The following CMYA5 variants were observed in gnomAD, a reference collection of about 807,000 sequenced individuals.
CMYA5 encodes the protein cardiomyopathy associated 5, also known as cardiomyopathy-associated protein 5.
In CMYA5, 246 loss-of-function variants were observed where a neutral mutation model predicts 318.9. The observed-to-expected ratio is 0.77, with a 90% CI of 0.70 to 0.86. The LOEUF (loss-of-function observed/expected upper bound fraction) is 0.86. CMYA5 is among the 40% of genes least tolerant of loss of function. The pLI, the probability that CMYA5 is intolerant of heterozygous loss-of-function variation, is 0.00. For missense variants in CMYA5, 4,589 were observed against 4,678.2 expected (o/e 0.98, Z 0.56); for synonymous variants, 1,641 against 1,729.5 (o/e 0.95, Z 1.27).
chr5:79,748,315 G>A (rs1285019582), intron 5 of CMYA5, among the ~76,000 whole-genome samples: 1 of 152,016 alleles, frequency 6.6e-6, no homozygotes, highest in East Asian at 1.9e-4. Context: ...TCCCCACACT[G>A]GCTGTGCCTA....
chr5:79,790,946 A>G, intron 10 of CMYA5, 24 bp from the exon 11 acceptor site: 3 of 1,526,170 alleles, frequency 2.0e-6, no homozygotes, highest in African/African-American at 1.4e-5. Context: ...CAATGTTTTA[A>G]TACTATTTTC....
chr5:79,716,882 C>A, intron 1 of CMYA5, among the ~76,000 whole-genome samples: 1 of 152,180 alleles, frequency 6.6e-6, no homozygotes, highest in East Asian at 1.9e-4. Flanking sequence ...TATCACAAAT[C>A]TATAGTGCAG....
chr5:79,731,492 A>G lies in CMYA5; in HGVS notation c.2727A>G (p.Ala909=), dbSNP rs747586627. The G allele has an allele frequency of 1.9e-6, 3 of 1,606,268 alleles. No homozygotes were observed. In the African/African-American group the frequency reaches 4.0e-5, roughly 21 times the overall value. The part of the protein sequence containing the change: ...SASEFSVPPY[A]TPEAQEEEIV... ...CTGAATTTTCAGTACCACCATATGC[A>G]ACACCGGAGGCACAGGAGGAAGAAA... is the stretch of plus-strand genomic sequence containing the variant. The change falls in exon 2 of 13, where the codon GCA becomes GCG. Residue 909 remains alanine, a synonymous_variant. Transcript: ENST00000446378.
In CMYA5 at chr5:79,799,756, T is replaced by G; in HGVS notation, c.*140T>G. 1 of 1,149,662 alleles carries G rather than the reference T, an allele frequency of 8.7e-7. No individual in the cohort carries two copies. Among genetic ancestry groups the G allele is most frequent in the Non-Finnish European group, 1.2e-6 (1 of 839,956 alleles). The allele number at this position is 1,149,662 out of a possible 1,614,324, so 71.2% of individuals were successfully genotyped here. On this transcript the variant is annotated 3_prime_UTR_variant, in exon 13 of 13. Transcript: ENST00000446378. ...ATGGCTGCATGCATAGCAATCAGCA[T>G]GTGAGCAAAATCGACAAGAAAACCT...
chr5:79,693,336 A>ATTTTTTTTTTTTT (rs11319092), intron 1 of CMYA5, among the ~76,000 whole-genome samples: 5 of 135,634 alleles, frequency 3.7e-5, no homozygotes, highest in Non-Finnish European at 4.7e-5. Context: ...AAGTCACACA[A>ATTTTTTTTTTTTT]TTTTTTTTTT....
At chr5:79,746,903 C>G (rs868177201) in intron 4 of CMYA5, among the ~76,000 whole-genome samples, 188 bp from the exon 5 acceptor site, 4 of 152,062 alleles carry the variant, frequency 2.6e-5, no homozygotes, top group Admixed American at 6.5e-5. Flanking sequence ...CTTGTGAGCA[C>G]TTATGTCCTT....
At chr5:79,745,171 A>G (rs1828293555) in intron 3 of CMYA5, 51 bp from the exon 4 acceptor site, 8 of 1,161,414 alleles carry the variant, frequency 6.9e-6, no homozygotes, top group Non-Finnish European at 9.7e-6. Context: ...AAAAAAAAGC[A>G]GCATTTCTTG....
At chr5:79,690,327 G>C (rs915719090) in intron 1 of CMYA5, among the ~76,000 whole-genome samples, 2 of 152,158 alleles carry the variant, frequency 1.3e-5, no homozygotes, top group African/African-American at 4.8e-5. Flanking sequence ...CTTAGGTCCT[G>C]CATAACTGCC....
chr5:79,745,170 C>T, intron 3 of CMYA5, 52 bp from the exon 4 acceptor site: 1 of 1,127,576 alleles, frequency 8.9e-7, no homozygotes, highest in Non-Finnish European at 1.2e-6. Context: ...AAAAAAAAAG[C>T]AGCATTTCTT....
chr5:79,770,393 G>A (rs912996355), intron 9 of CMYA5, among the ~76,000 whole-genome samples: 1 of 115,328 alleles, frequency 8.7e-6, no homozygotes, highest in East Asian at 2.6e-4. Context: ...TGCCCAAATG[G>A]CTGCCCGGTT....
At chr5:79,787,083 T>A (rs1561230406) in intron 9 of CMYA5, among the ~76,000 whole-genome samples, 1 of 152,236 alleles carries the variant, frequency 6.6e-6, no homozygotes, top group Non-Finnish European at 1.5e-5. Context: ...CTTCATCATC[T>A]TAAGGGCAAA....
rs1827934360 is a variant in CMYA5, at chr5:79,732,393, G to T, written c.3628G>T (p.Val1210Leu). 1.2e-6 allele frequency: 2 copies of T among 1,613,756 alleles called. No homozygotes were observed. The highest frequency in any genetic ancestry group is 1.7e-6 in the Non-Finnish European group (2 of 1,179,812). Residue 1210 changes from valine to leucine, a missense_variant, in exon 2 of 13, where the codon GTG becomes TTG. Transcript: ENST00000446378. The part of the protein sequence containing the change: ...ALSKVRKEEI[V>L]PDSQEATAHV... ...GTCAAAAGTCAGAAAGGAAGAAATT[G>T]TGCCTGATTCTCAAGAAGCTACAGC...
chr5:79,761,913 T>C lies in CMYA5; in HGVS notation c.11363T>C (p.Phe3788Ser), dbSNP rs370882799. ...CYQVWVMAVN[F>S]TGCSLPSERA... is the part of the protein sequence containing the mutation. Reference sequence around the variant, plus strand: ...CAAGTGTGGGTGATGGCTGTGAACTTCACTGGATGTAGCCTGCCCAGTGAA... The same window carrying C: ...CAAGTGTGGGTGATGGCTGTGAACTCCACTGGATGTAGCCTGCCCAGTGAA... Residue 3788 changes from phenylalanine (F) to serine (S), a missense_variant, in exon 8 of 13, where the codon TTC becomes TCC. Around this residue, in one of 3 missense-constraint regions of CMYA5, gnomAD observed 2,431 missense variants for 2,495.1 expected, o/e 0.97. Coordinates refer to ENST00000446378, the MANE Select transcript of CMYA5 (RefSeq NM_153610.5). 10 of 1,613,654 alleles carry C rather than the reference T, an allele frequency of 6.2e-6. No individual in the cohort carries two copies. In the African/African-American group the frequency reaches 1.3e-4, roughly 22 times the overall value.
At chr5:79,769,007 C>T (rs1828807115) in intron 9 of CMYA5, among the ~76,000 whole-genome samples, 2 of 152,048 alleles carry the variant, frequency 1.3e-5, no homozygotes, top group South Asian at 2.1e-4. Flanking sequence ...TCATTTTTTT[C>T]CCTCTAATCT....
In CMYA5 at chr5:79,689,876, G is replaced by T. The variant is rs986271357; in HGVS notation, c.-32G>T. 4.3e-6 allele frequency: 3 copies of T among 692,914 alleles called. No homozygotes were observed. Among genetic ancestry groups the T allele is most frequent in the Non-Finnish European group, 7.7e-6 (3 of 389,732 alleles). The allele number at this position is 692,914 out of a possible 1,614,324, so 42.9% of individuals were successfully genotyped here. On this transcript the variant is annotated 5_prime_UTR_variant, in exon 1 of 13. Transcript: ENST00000446378. Reference sequence around the variant, plus strand: ...ACCAGGCGCGGCGCGGGCGGCTCCGGCTCCGGCCCCGGCCCAGGCCCGGGA... The same window carrying T: ...ACCAGGCGCGGCGCGGGCGGCTCCGTCTCCGGCCCCGGCCCAGGCCCGGGA...
intron 1 of CMYA5, among the ~76,000 whole-genome samples, chr5:79,719,943 T>A (rs537405534): frequency 6.6e-6 from 1 of 152,244 alleles, no homozygotes; most frequent in African/African-American, 2.4e-5. Context: ...AATACAATAA[T>A]AAAAAATGAC....
intron 1 of CMYA5, among the ~76,000 whole-genome samples, chr5:79,719,741 A>T (rs1392491754): frequency 6.6e-6 from 1 of 152,324 alleles, no homozygotes; most frequent in East Asian, 1.9e-4. Flanking sequence ...ATAAGCTCTC[A>T]TCTCACAAAG....
intron 1 of CMYA5, among the ~76,000 whole-genome samples, chr5:79,699,311 AATC>A (rs1426924879): frequency 6.6e-6 from 1 of 152,108 alleles, no homozygotes; most frequent in Admixed American, 6.6e-5. Context: ...CCTCCTAACA[AATC>A]ATCTTGTTCT....
chr5:79,736,641 A>C lies in CMYA5; in HGVS notation c.7876A>C (p.Lys2626Gln). 1 of 1,613,840 alleles carries C rather than the reference A, an allele frequency of 6.2e-7. No homozygotes were observed. Among genetic ancestry groups the C allele is most frequent in the Non-Finnish European group, 8.5e-7 (1 of 1,179,810 alleles). The change falls in exon 2 of 13, where the codon AAA becomes CAA. Residue 2626 changes from lysine to glutamine, a missense_variant. Physicochemically the swap from Lys to Gln is moderately conservative, Grantham distance 53 (BLOSUM62 1). Coordinates refer to ENST00000446378, the MANE Select transcript of CMYA5 (RefSeq NM_153610.5). ...GTQPHPLEES[K>Q]VLVEKTKTFL... is the part of the protein sequence containing the mutation. ...CCAACCACATCCTTTAGAAGAAAGT[A>C]AAGTTTTGGTGGAGAAAACCAAGAC...
Sources: allele counts gnomAD v4.1 joint callset (sites outside exome capture counted in the v4.1 genomes callset), GRCh38; gene constraint gnomAD v4.1.1; regional missense constraint gnomAD v4.1.1; transcripts MANE v1.5; gene names NCBI Gene and HGNC (gene_info 2026-07-23, HGNC 2026-07-21).